The following MEGF6 variants were observed in gnomAD, a reference collection of about 807,000 sequenced individuals.
MEGF6 encodes the protein multiple epidermal growth factor-like domains protein 6.
A neutral mutation model predicts 207.1 loss-of-function variants in MEGF6; 184 were observed. That is an observed-to-expected ratio of 0.89 (90% confidence interval 0.79 to 1.00). The LOEUF is 1.00. MEGF6 is among the 50% of genes least tolerant of loss of function. The pLI, the probability that MEGF6 is intolerant of heterozygous loss-of-function variation, is 0.00. For missense variants in MEGF6, 2,282 were observed against 2,202.9 expected, an observed-to-expected ratio of 1.04 and a Z score of -0.72; for synonymous variants, 1,038 against 910.0, an observed-to-expected ratio of 1.14 and a Z score of -2.53.
rs1342444360 is a variant in MEGF6 at position 3,565,057 on chromosome 1, G to C, written c.481+14768C>G. Among the ~76,000 whole-genome samples, 1 of 152,170 alleles carries C rather than the reference G, an allele frequency of 6.6e-6. No homozygotes were observed. The highest frequency in any genetic ancestry group is 1.5e-5 in the Non-Finnish European group (1 of 68,036). On this transcript the variant is annotated intron_variant, in intron 4 of 36. Coordinates refer to ENST00000356575, the MANE Select transcript of MEGF6 (RefSeq NM_001409.4). The surrounding 1 kb of genome is among the most constrained non-coding windows in gnomAD (Gnocchi z 4.8). The stretch of plus-strand genomic sequence containing the variant: ...ACCAGGACGCGGACCCAGGAGGGCA[G>C]GGGTTTTGCTGGACTGGCTGGTGGG...
chr1:3,499,591 C>A lies in MEGF6; in HGVS notation c.2962G>T (p.Glu988Ter). Residue 988 changes from glutamate to a stop codon, truncating the protein, a stop_gained, in exon 23 of 37, where the codon GAG becomes TAG. Transcript: ENST00000356575. LOFTEE classifies it high-confidence loss of function. Reference protein sequence around the residue: ...PAGRRGPRCAETCPAHTYGHN... With the variant: ...PAGRRGPRCA ...GCTGAGCAGGGACCTCACGCACTCTCGGCACAGCGGGGGCCCCGGCGGCCA... is the reference window on the plus strand; with the variant it reads ...GCTGAGCAGGGACCTCACGCACTCTAGGCACAGCGGGGGCCCCGGCGGCCA... The A allele has an allele frequency of 1.3e-6, 2 of 1,577,794 alleles. No homozygotes were observed. The highest frequency in any genetic ancestry group is 2.3e-5 in the East Asian group (1 of 43,376).
chr1:3,593,745 G>A (rs79522103), intron 3 of MEGF6, among the ~76,000 whole-genome samples: 3 of 152,008 alleles, frequency 2.0e-5, no homozygotes, highest in Non-Finnish European at 2.9e-5. Flanking sequence ...CCTCCCAGAC[G>A]ACAGGAGCAA....
the MEGF6 span, among the ~76,000 whole-genome samples, chr1:3,617,186 G>A: frequency 8.9e-6 from 1 of 112,104 alleles, no homozygotes; most frequent in Admixed American, 1.1e-4. Context: ...CCAACCTCGG[G>A]GGCAGCATCA....
At chr1:3,569,639 C>A (rs758670224) in intron 4 of MEGF6, among the ~76,000 whole-genome samples, 10 of 152,232 alleles carry the variant, frequency 6.6e-5, no homozygotes, top group Non-Finnish European at 1.0e-4. Context: ...CTGGGGCAGG[C>A]ACAGGGAGCC....
chr1:3,597,256 C>T (rs1176052239), intron 2 of MEGF6, among the ~76,000 whole-genome samples: 1 of 152,204 alleles, frequency 6.6e-6, no homozygotes, highest in Non-Finnish European at 1.5e-5. Context: ...CCTGCTTCCC[C>T]AGAGCATGGG....
rs1283900444 is a variant in MEGF6 at position 3,499,585 on chromosome 1, C to T, written c.2965+3G>A. 1.3e-6 allele frequency: 2 copies of T among 1,575,442 alleles called. No homozygotes were observed. The highest frequency in any genetic ancestry group is 1.8e-5 in the Admixed American group (1 of 54,694). ...CCCCGGGCTGAGCAGGGACCTCACG[C>T]ACTCTCGGCACAGCGGGGGCCCCGG... On this transcript the variant is annotated splice_donor_region_variant and intron_variant, in intron 23 of 36. Coordinates refer to ENST00000356575, the MANE Select transcript of MEGF6 (RefSeq NM_001409.4).
intron 35 of MEGF6, among the ~76,000 whole-genome samples, chr1:3,492,069 G>C (rs1451059838): frequency 6.6e-6 from 1 of 152,002 alleles, no homozygotes; most frequent in Non-Finnish European, 1.5e-5. Context: ...TGCCTGTGCA[G>C]GACTGCGTGC....
At chr1:3,604,070 C>T (rs1644204421) in intron 1 of MEGF6, among the ~76,000 whole-genome samples, 1 of 152,230 alleles carries the variant, frequency 6.6e-6, no homozygotes, top group African/African-American at 2.4e-5. Flanking sequence ...CTGTGGCACC[C>T]AGAGGAGGGA....
At chr1:3,578,928 C>CACCCAGCTCAGAACGCTGGGGAGACCCAG (rs1557791112) in intron 4 of MEGF6, among the ~76,000 whole-genome samples, 1 of 152,036 alleles carries the variant, frequency 6.6e-6, no homozygotes, top group African/African-American at 2.4e-5. Flanking sequence ...GCAGGGGTGT[C>CACCCAGCTCAGAACGCTGGGGAGACCCAG]CTTCACAAAC....
chr1:3,589,292 G>C (rs566686972), intron 3 of MEGF6, among the ~76,000 whole-genome samples: 1 of 152,286 alleles, frequency 6.6e-6, no homozygotes, highest in African/African-American at 2.4e-5. Flanking sequence ...AGAACTGTGA[G>C]AGAGTAAACT....
At chr1:3,519,717 C>G (rs943764967) in intron 5 of MEGF6, among the ~76,000 whole-genome samples, 5 of 152,256 alleles carry the variant, frequency 3.3e-5, no homozygotes, top group Non-Finnish European at 1.5e-5. Flanking sequence ...CCAGCCCTGA[C>G]CCTTCAGCAC....
intron 4 of MEGF6, among the ~76,000 whole-genome samples, chr1:3,528,625 G>A (rs1642044950): frequency 6.6e-6 from 1 of 152,204 alleles, no homozygotes; most frequent in Non-Finnish European, 1.5e-5. Context: ...AGGGAGGCAG[G>A]AGGGTCAGAG....
At chr1:3,559,321 GCTTCCTCACACCA>G (rs1643122475) in intron 4 of MEGF6, among the ~76,000 whole-genome samples, 1 of 152,080 alleles carries the variant, frequency 6.6e-6, no homozygotes, top group African/African-American at 2.4e-5. Flanking sequence ...CAACAGAAGA[GCTTCCTCACACCA>G]CTAGGAACCT....
At chr1:3,596,766 G>A (rs1358679054) in intron 2 of MEGF6, among the ~76,000 whole-genome samples, 8 of 148,812 alleles carry the variant, frequency 5.4e-5, no homozygotes, top group Admixed American at 2.0e-4. Flanking sequence ...CAGCCCCCAC[G>A]CATGGGAAGT....
Position 3,510,128 on chromosome 1 carries a change from C to T in MEGF6, c.1235-136G>A, listed in dbSNP as rs370280120. 6.9e-5 allele frequency: 84 copies of T among 1,216,716 alleles called. No homozygotes were observed. The East Asian group carries it at 1.1e-3, about 15-fold the overall frequency. The allele number at this position is 1,216,716 out of a possible 1,614,324, so 75.4% of individuals were successfully genotyped here. A position where few individuals can be genotyped will look rare whatever the true frequency, so the allele number is the denominator to read the frequency against. On this transcript the variant is annotated intron_variant, in intron 10 of 36. Transcript: ENST00000356575. ...GCTGAGTAGCATCTCTTCAACCAGC[C>T]AGTAAAACTCACCCTCAGCCACAGA...
chr1:3,506,219 A>G lies in MEGF6; in HGVS notation c.1807T>C (p.Tyr603His). 1 of 1,609,120 alleles carries G rather than the reference A, an allele frequency of 6.2e-7. No homozygotes were observed. Among genetic ancestry groups the G allele is most frequent in the Non-Finnish European group, 8.5e-7 (1 of 1,178,396 alleles). Residue 603 changes from tyrosine to histidine, a missense_variant, in exon 15 of 37, where the codon TAT becomes CAT. Tyr to His is a moderately conservative substitution (Grantham distance 83, BLOSUM62 2). Coordinates refer to ENST00000356575, the MANE Select transcript of MEGF6 (RefSeq NM_001409.4). The stretch of plus-strand genomic sequence containing the variant: ...CATTTCTTGCGACAGTGCTTGCCAT[A>G]GTAGCCCTTGGGGCAGCCTGGGGGC... The part of the protein sequence containing the change: ...NCEDGCPKGY[Y>H]GKHCRKKCNC...
At chr1:3,596,896 C>T (rs1644076999) in intron 2 of MEGF6, among the ~76,000 whole-genome samples, 2 of 152,130 alleles carry the variant, frequency 1.3e-5, no homozygotes, top group African/African-American at 4.8e-5. Flanking sequence ...GCCCACAGCC[C>T]CAGCAAGCCT....
intron 4 of MEGF6, among the ~76,000 whole-genome samples, chr1:3,542,426 A>G (rs1205245752): frequency 6.6e-6 from 1 of 152,190 alleles, no homozygotes; most frequent in African/African-American, 2.4e-5. Flanking sequence ...CTGGGCTTGC[A>G]TGGACACCTG....
chr1:3,515,934 G>A (rs1393999813), intron 5 of MEGF6, among the ~76,000 whole-genome samples: 2 of 152,306 alleles, frequency 1.3e-5, no homozygotes, highest in African/African-American at 4.8e-5. Flanking sequence ...GGAGGAGGAC[G>A]CAGGCTGGCA....
Sources: allele counts gnomAD v4.1 joint callset (sites outside exome capture counted in the v4.1 genomes callset), GRCh38; gene constraint gnomAD v4.1.1; non-coding constraint Gnocchi (gnomAD v3.1); transcripts MANE v1.5; gene names NCBI Gene and HGNC (gene_info 2026-07-23, HGNC 2026-07-21).